CSMD1: variants seen among roughly 807,000 people sequenced by gnomAD.
CSMD1 encodes CUB and sushi domain-containing protein 1.
In CSMD1, 213 loss-of-function variants were observed where a neutral mutation model predicts 417.5. The ratio of observed to expected loss-of-function variants is 0.51; its 90% CI spans 0.46 to 0.57. The LOEUF (loss-of-function observed/expected upper bound fraction) is 0.57. CSMD1 is among the 20% of genes least tolerant of loss of function. The pLI is 0.00. For synonymous variants in CSMD1, 2,862 were observed against 1,736.8 expected (o/e 1.65, Z -16.11); for missense variants, 6,923 against 4,529.7 (o/e 1.53, Z -15.17).
chr8:3,432,898 G>T (rs1026609378), intron 12 of CSMD1, among the ~76,000 whole-genome samples: 1 of 152,100 alleles, frequency 6.6e-6, no homozygotes, highest in Admixed American at 6.6e-5. Context: ...TAAACACACA[G>T]ACACACACAG....
chr8:2,993,673 A>C (rs1271845578), intron 54 of CSMD1, among the ~76,000 whole-genome samples: 1 of 152,196 alleles, frequency 6.6e-6, no homozygotes, highest in African/African-American at 2.4e-5. Flanking sequence ...CTCTAGTGTA[A>C]AATACAAAGG....
At chr8:3,959,776 T>C (rs1036154643) in intron 5 of CSMD1, among the ~76,000 whole-genome samples, 1 of 152,214 alleles carries the variant, frequency 6.6e-6, no homozygotes, top group African/African-American at 2.4e-5. Flanking sequence ...AGTTTTGTGA[T>C]TGGAATAGCT....
intron 3 of CSMD1, among the ~76,000 whole-genome samples, chr8:4,187,571 G>A (rs1254184324): frequency 1.3e-5 from 2 of 149,852 alleles, no homozygotes; most frequent in Non-Finnish European, 3.0e-5. Flanking sequence ...CTGAACCCAG[G>A]AGGCTAATGT....
At chr8:4,445,149 G>C (rs1202806347) in intron 2 of CSMD1, among the ~76,000 whole-genome samples, 1 of 152,094 alleles carries the variant, frequency 6.6e-6, no homozygotes, top group Non-Finnish European at 1.5e-5. Context: ...TTTAAGATTG[G>C]GTGATGGCAC....
chr8:4,503,220 T>C (rs1199229297), intron 2 of CSMD1, among the ~76,000 whole-genome samples: 1 of 152,168 alleles, frequency 6.6e-6, no homozygotes, highest in Non-Finnish European at 1.5e-5. Flanking sequence ...TGTAAAAGTC[T>C]ACAGCGTCAT....
intron 1 of CSMD1, among the ~76,000 whole-genome samples, chr8:4,906,895 T>A (rs6982855): frequency 6.6e-6 from 1 of 152,090 alleles, no homozygotes; most frequent in Non-Finnish European, 1.5e-5. Context: ...AGTTTCACAA[T>A]GTGAGTAAAT....
intron 18 of CSMD1, 137 bp downstream of exon 18, chr8:3,387,357 G>T (rs1811068419): frequency 7.9e-6 from 5 of 632,476 alleles, no homozygotes; most frequent in Non-Finnish European, 1.4e-5. Flanking sequence ...TACGATGATG[G>T]TATACAACTT....
chr8:4,879,843 C>A (rs185101015), intron 1 of CSMD1, among the ~76,000 whole-genome samples: 2 of 152,094 alleles, frequency 1.3e-5, no homozygotes, highest in East Asian at 3.9e-4. Context: ...TAAAAATATG[C>A]AATTTTTATT....
intron 3 of CSMD1, among the ~76,000 whole-genome samples, chr8:4,195,157 C>G (rs1015021905): frequency 6.6e-6 from 1 of 152,230 alleles, no homozygotes; most frequent in Non-Finnish European, 1.5e-5. Flanking sequence ...CAGTTCTATC[C>G]AGAACATGTG....
intron 25 of CSMD1, among the ~76,000 whole-genome samples, chr8:3,295,757 A>T (rs1029132584): frequency 2.0e-5 from 3 of 152,168 alleles, no homozygotes; most frequent in Non-Finnish European, 2.9e-5. Flanking sequence ...AGAGTTCTAC[A>T]TATATATAGA....
chr8:4,593,124 G>A (rs927774595), intron 2 of CSMD1, among the ~76,000 whole-genome samples: 1 of 152,110 alleles, frequency 6.6e-6, no homozygotes, highest in Non-Finnish European at 1.5e-5. Context: ...TCCTTTCTTA[G>A]GGTGAATGGA....
intron 3 of CSMD1, among the ~76,000 whole-genome samples, chr8:4,216,598 G>A (rs1249342135): frequency 6.6e-6 from 1 of 152,202 alleles, no homozygotes; most frequent in Non-Finnish European, 1.5e-5. Flanking sequence ...GATGGAAGGT[G>A]CTGAGGACAC....
chr8:4,091,648 G>A (rs958528019), intron 3 of CSMD1, among the ~76,000 whole-genome samples: 5 of 152,104 alleles, frequency 3.3e-5, no homozygotes, highest in African/African-American at 7.2e-5. Flanking sequence ...GCCCCACAAC[G>A]AGTTCTTCAA....
intron 1 of CSMD1, among the ~76,000 whole-genome samples, chr8:4,660,578 T>A (rs1052854901): frequency 2.0e-5 from 3 of 152,048 alleles, no homozygotes; most frequent in Non-Finnish European, 4.4e-5. Flanking sequence ...AATTTTAAAA[T>A]AATAGACACC....
Position 3,430,691 on chromosome 8 carries a change from C to T in CSMD1, c.1562-21086G>A, listed in dbSNP as rs557937825. Among the ~76,000 whole-genome samples the T allele has an allele frequency of 3.3e-5, 5 of 152,188 alleles. 1 individual carries two copies. Among genetic ancestry groups the T allele is most frequent in the African/African-American group, 1.2e-4 (5 of 41,514 alleles). The stretch of plus-strand genomic sequence containing the variant: ...GTGTGATGGCAGGTGCCTGTAATCC[C>T]AGCTACTCAGGAGGCTGAGGCAAGA... On this transcript the variant is annotated intron_variant, in intron 12 of 69. Transcript: ENST00000635120.
chr8:4,599,428 T>C (rs1359852208), intron 2 of CSMD1, among the ~76,000 whole-genome samples: 1 of 151,932 alleles, frequency 6.6e-6, no homozygotes, highest in Non-Finnish European at 1.5e-5. Flanking sequence ...TAATCCTAAA[T>C]TGGAGTAAAT....
At chr8:4,567,725 A>G (rs1798683761) in intron 2 of CSMD1, among the ~76,000 whole-genome samples, 1 of 152,148 alleles carries the variant, frequency 6.6e-6, no homozygotes, top group African/African-American at 2.4e-5. Context: ...AATGTTACTT[A>G]CTGATATATG....
intron 3 of CSMD1, among the ~76,000 whole-genome samples, chr8:4,164,700 G>A (rs909967783): frequency 5.6e-4 from 85 of 152,136 alleles, no homozygotes; most frequent in African/African-American, 1.9e-3. Context: ...ATGTTGCTGA[G>A]GTGGAGGAAA....
At chr8:3,637,138 T>A (rs113492102) in intron 7 of CSMD1, among the ~76,000 whole-genome samples, 247 of 152,364 alleles carry the variant, frequency 1.6e-3, no homozygotes, top group African/African-American at 5.5e-3. Flanking sequence ...ATCCCGTTTG[T>A]GCTATTCTGT....
Sources: allele counts gnomAD v4.1 joint callset (sites outside exome capture counted in the v4.1 genomes callset), GRCh38; gene constraint gnomAD v4.1.1; transcripts MANE v1.5; gene names NCBI Gene and HGNC (gene_info 2026-07-23, HGNC 2026-07-21).